Variants in AP4E1 observed in about 807,000 individuals in gnomAD.
The protein encoded by AP4E1 is adaptor related protein complex 4 subunit epsilon 1.
In AP4E1, 56 loss-of-function variants were observed where a neutral mutation model predicts 128.2. The ratio of observed to expected loss-of-function variants is 0.44; its 90% CI spans 0.35 to 0.55. The LOEUF is 0.55. Among genes scored for constraint, AP4E1 ranks in the 20% least tolerant of loss-of-function variants. The pLI is 0.00. For synonymous variants in AP4E1, 484 were observed against 473.1 expected, an observed-to-expected ratio of 1.02 and a Z score of -0.30; for missense variants, 1,324 against 1,307.7, an observed-to-expected ratio of 1.01 and a Z score of -0.19.
At position 51,003,396 on chromosome 15, in the gene AP4E1, A is replaced by T. The variant is rs1227461122; in HGVS notation, c.*734A>T. 6.6e-6 allele frequency: 1 copy of T among 152,510 alleles called. No individual in the cohort carries two copies. Among genetic ancestry groups the T allele is most frequent in the Non-Finnish European group, 1.5e-5 (1 of 68,042 alleles). 9.4% of individuals were successfully genotyped at this position (152,510 alleles called of 1,614,324 possible). A position where few individuals can be genotyped will look rare whatever the true frequency, so the allele number is the denominator to read the frequency against. On this transcript the variant is annotated 3_prime_UTR_variant, in exon 21 of 21. Coordinates refer to ENST00000261842, the MANE Select transcript of AP4E1 (RefSeq NM_007347.5). ...GCCATTTTATATAGAAACAAAACCC[A>T]TAAGAGCACACAGTAACAAAGCAAA...
chr15:50,908,426 G>A (rs1055544183), upstream of AP4E1: 12 of 197,588 alleles, frequency 6.1e-5, no homozygotes, highest in African/African-American at 2.8e-4. Context: ...GGCGGCTAGT[G>A]GGAAAGGGGG....
At chr15:50,911,098 G>T (rs993524045) in intron 1 of AP4E1, among the ~76,000 whole-genome samples, 2 of 152,210 alleles carry the variant, frequency 1.3e-5, no homozygotes, top group Admixed American at 6.5e-5. Context: ...GCATCCACGT[G>T]TATCAGTACG....
intron 15 of AP4E1, among the ~76,000 whole-genome samples, chr15:50,982,079 C>A (rs2064649912): frequency 8.2e-6 from 1 of 121,934 alleles, no homozygotes. Context: ...GAGCAAAACT[C>A]CCATCTCAAA....
At chr15:50,982,086 CAAAAA>C (rs55717107) in intron 15 of AP4E1, among the ~76,000 whole-genome samples, 64 of 49,282 alleles carry the variant, frequency 1.3e-3, no homozygotes, top group Admixed American at 5.3e-3. Context: ...ACTCCCATCT[CAAAAA>C]AAAAAAAAAA....
chr15:50,940,704 C>T (rs1057026202), intron 8 of AP4E1, among the ~76,000 whole-genome samples: 7 of 152,058 alleles, frequency 4.6e-5, no homozygotes, highest in African/African-American at 7.2e-5. Flanking sequence ...AAGCTCCAAC[C>T]GCATGACTCA....
Position 50,984,085 on chromosome 15 carries a change from C to T in AP4E1, c.2030C>T (p.Pro677Leu). The T allele has an allele frequency of 6.2e-7, 1 of 1,613,490 alleles. No individual in the cohort carries two copies. The highest frequency in any genetic ancestry group is 8.5e-7 in the Non-Finnish European group (1 of 1,179,548). Residue 677 changes from proline (P) to leucine (L), a missense_variant, in exon 16 of 21, where the codon CCT (proline) becomes CTT (leucine). Coordinates refer to ENST00000261842, the MANE Select transcript of AP4E1 (RefSeq NM_007347.5). ...SSSGFTGRQS[P>L]AGISLGSDVS... ...TCTGGCTTCACTGGACGACAGTCTC[C>T]TGCTGGCATTTCTCTTGGTTCAGAT...
intron 15 of AP4E1, among the ~76,000 whole-genome samples, chr15:50,983,656 A>T (rs375155354): frequency 1.1e-4 from 17 of 152,354 alleles, no homozygotes; most frequent in African/African-American, 4.1e-4. Context: ...TCAGCAAAAC[A>T]TGGTCACCTC....
chr15:50,941,759 C>G lies in AP4E1; in HGVS notation c.1160C>G (p.Pro387Arg), dbSNP rs1185345131. 5 of 1,609,280 alleles carry G rather than the reference C, an allele frequency of 3.1e-6. No individual in the cohort carries two copies. Residue 387 changes from proline (P) to arginine (R), a missense_variant, in exon 10 of 21, where the codon CCC becomes CGC. Pro to Arg is a moderately radical substitution (Grantham distance 103). Coordinates refer to ENST00000261842, the MANE Select transcript of AP4E1 (RefSeq NM_007347.5). The stretch of plus-strand genomic sequence containing the variant: ...ATTGAATGTTTAGATCATCCTGATC[C>G]CATTATTAAAAGAGAGGTAAACTGG... ...TIIECLDHPD[P>R]IIKRETLELL... is the part of the protein sequence containing the mutation.
intron 14 of AP4E1, among the ~76,000 whole-genome samples, chr15:50,966,486 T>C (rs2064394431): frequency 6.7e-6 from 1 of 148,186 alleles, no homozygotes; most frequent in Non-Finnish European, 1.5e-5. Context: ...TTTCCTCCAA[T>C]AAAAAATAAT....
In AP4E1 at chr15:50,919,463, C is replaced by T. The variant is rs191297716; in HGVS notation, c.346+3892C>T. Among the ~76,000 whole-genome samples, 877 of 150,914 alleles carry T rather than the reference C, an allele frequency of 5.8e-3. 13 individuals are homozygous for T. Among genetic ancestry groups the T allele is most frequent in the African/African-American group, 0.021 (845 of 41,082 alleles). The stretch of plus-strand genomic sequence containing the variant: ...AGGAGAATCACTTGAACCTGGGAGG[C>T]GGAGGTTGCGGTGAGCTGAGATCGC... On this transcript the variant is annotated intron_variant, in intron 3 of 20. Coordinates refer to ENST00000261842, the MANE Select transcript of AP4E1 (RefSeq NM_007347.5).
At chr15:50,954,914 A>G (rs7161775) in intron 13 of AP4E1, among the ~76,000 whole-genome samples, 2,230 of 152,198 alleles carry the variant, frequency 0.015, 70 homozygotes, top group African/African-American at 0.052. Flanking sequence ...TCATTGTTCA[A>G]TTCCCACCTA....
At chr15:50,991,849 T>G (rs2064809594) in intron 16 of AP4E1, among the ~76,000 whole-genome samples, 2 of 152,248 alleles carry the variant, frequency 1.3e-5, no homozygotes, top group South Asian at 2.1e-4. Flanking sequence ...TGAGTCTTCC[T>G]TTTTGTTCAT....
chr15:50,987,970 A>T (rs540643885), intron 16 of AP4E1, among the ~76,000 whole-genome samples: 1 of 152,150 alleles, frequency 6.6e-6, no homozygotes, highest in South Asian at 2.1e-4. Context: ...TATTATATAT[A>T]TATATTTAGA....
At chr15:50,925,734 A>G (rs1326691005) in intron 5 of AP4E1, among the ~76,000 whole-genome samples, 3 of 150,890 alleles carry the variant, frequency 2.0e-5, no homozygotes, top group African/African-American at 2.4e-5. Flanking sequence ...GGTTCAAGCA[A>G]TTCTCCTGCC....
chr15:50,936,431 TA>T (rs1480879860), intron 8 of AP4E1, among the ~76,000 whole-genome samples: 1 of 152,060 alleles, frequency 6.6e-6, no homozygotes, highest in East Asian at 1.9e-4. Context: ...TTAATTTTTT[TA>T]TTTTTTTGAA....
At chr15:50,957,106 A>G (rs2064234779) in intron 13 of AP4E1, among the ~76,000 whole-genome samples, 1 of 152,138 alleles carries the variant, frequency 6.6e-6, no homozygotes, top group East Asian at 1.9e-4. Context: ...TTAAGTGTTA[A>G]CAGCTCAGTG....
intron 10 of AP4E1, chr15:50,945,733 G>A: frequency 1.3e-6 from 1 of 777,802 alleles, no homozygotes; most frequent in Middle Eastern, 2.7e-4. Flanking sequence ...TAATGCTTCT[G>A]AAAAATTTGG....
At chr15:50,950,611 T>A (rs1435874772) in intron 13 of AP4E1, among the ~76,000 whole-genome samples, 1 of 152,196 alleles carries the variant, frequency 6.6e-6, no homozygotes, top group Non-Finnish European at 1.5e-5. Context: ...TCTTCTTTTT[T>A]ATTTTATTTT....
chr15:50,923,565 G>A (rs984080167), intron 3 of AP4E1, among the ~76,000 whole-genome samples: 1 of 152,090 alleles, frequency 6.6e-6, no homozygotes, highest in South Asian at 2.1e-4. Flanking sequence ...ATTAGTTTTT[G>A]AATTATATAT....
Sources: gnomAD v4.1 joint callset for allele counts (sites outside exome capture counted in the v4.1 genomes callset) on GRCh38, gnomAD v4.1.1 for gene constraint, MANE v1.5 for transcripts, NCBI Gene and HGNC (gene_info 2026-07-23, HGNC 2026-07-21) for gene names.